Variants in DCHS2 observed in about 807,000 individuals in gnomAD.
The protein encoded by DCHS2 is dachsous cadherin-related 2.
DCHS2 carries 142 observed loss-of-function variants against 182.4 expected under a neutral mutation model. The observed-to-expected ratio is 0.78, with a 90% CI of 0.68 to 0.89. The LOEUF is 0.89. Ranked by LOEUF, DCHS2 falls within the 40% of genes least tolerant of loss-of-function variation. The pLI is 0.00. For missense variants in DCHS2, 4,319 were observed against 4,198.6 expected, an observed-to-expected ratio of 1.03 and a Z score of -0.79; for synonymous variants, 1,740 against 1,663.3, an observed-to-expected ratio of 1.05 and a Z score of -1.12.
At chr4:154,339,870 G>A (rs1728983744) in intron 3 of DCHS2, among the ~76,000 whole-genome samples, 1 of 152,102 alleles carries the variant, frequency 6.6e-6, no homozygotes, top group Admixed American at 6.5e-5. Flanking sequence ...ATACATATAC[G>A]ATGTGTATAC....
At position 154,406,541 on chromosome 4, in the gene DCHS2, C is replaced by T. The variant is rs145679033; in HGVS notation, c.2053-29097G>A. The stretch of plus-strand genomic sequence containing the variant: ...CAGTATTGGCTACTCTGTTGTAGCT[C>T]GAAGTGCAAATGATATAGCTCTTAT... On this transcript the variant is annotated intron_variant, in intron 1 of 19. Transcript: ENST00000357232. 3.9e-4 allele frequency among the ~76,000 whole-genome samples: 59 copies of T among 152,230 alleles called. No homozygotes were observed. The East Asian group carries it at 0.01, about 26-fold the overall frequency.
intron 14 of DCHS2, among the ~76,000 whole-genome samples, chr4:154,265,856 T>G (rs1414496598): frequency 6.6e-6 from 1 of 152,182 alleles, no homozygotes; most frequent in African/African-American, 2.4e-5. Flanking sequence ...CCCCCTTCCC[T>G]GTGGGGGATA....
chr4:154,288,730 C>G (rs1448519668), intron 13 of DCHS2, among the ~76,000 whole-genome samples: 1 of 152,072 alleles, frequency 6.6e-6, no homozygotes, highest in Non-Finnish European at 1.5e-5. Flanking sequence ...AGTATCTTCT[C>G]TGACTGCAAA....
chr4:154,301,536 G>A lies in DCHS2; in HGVS notation c.5606-2828C>T, dbSNP rs188542452. 2.7e-3 allele frequency among the ~76,000 whole-genome samples: 404 copies of A among 151,648 alleles called. 2 individuals carry two copies. The highest frequency in any genetic ancestry group is 7.6e-3 in the African/African-American group (316 of 41,326). ...TTTTTATTTTTTGAGACAGAGTTTC[G>A]TTCTTGTTGCCCAGGCTGGAGTGCA... On this transcript the variant is annotated intron_variant, in intron 12 of 19. Transcript: ENST00000357232.
intron 7 of DCHS2, among the ~76,000 whole-genome samples, chr4:154,325,638 A>G (rs554889220): frequency 6.6e-6 from 1 of 152,286 alleles, no homozygotes; most frequent in South Asian, 2.1e-4. Context: ...GAAGGAGGGG[A>G]CAGCAGGAAC....
intron 1 of DCHS2, among the ~76,000 whole-genome samples, chr4:154,433,503 T>C (rs934775802): frequency 3.3e-5 from 5 of 150,578 alleles, no homozygotes; most frequent in Non-Finnish European, 7.4e-5. Context: ...CAAGTGATTC[T>C]TCTGACTCAG....
chr4:154,323,030 T>C, intron 7 of DCHS2: 2 of 618,672 alleles, frequency 3.2e-6, no homozygotes, highest in Non-Finnish European at 2.7e-6. Context: ...ATAAAGTCCA[T>C]ATATTGCATA....
At chr4:154,357,788 C>T (rs1294418252) in intron 3 of DCHS2, among the ~76,000 whole-genome samples, 11 of 152,176 alleles carry the variant, frequency 7.2e-5, no homozygotes, top group Non-Finnish European at 1.5e-4. Flanking sequence ...CAACTCTATA[C>T]TAGCTCTCCC....
At chr4:154,420,405 G>T (rs1346718293) in intron 1 of DCHS2, among the ~76,000 whole-genome samples, 3 of 152,182 alleles carry the variant, frequency 2.0e-5, no homozygotes, top group African/African-American at 7.2e-5. Context: ...TGTGCTATCT[G>T]CAAGCTGGAA....
intron 1 of DCHS2, among the ~76,000 whole-genome samples, chr4:154,382,875 G>A (rs2110823843): frequency 6.6e-6 from 1 of 152,246 alleles, no homozygotes; most frequent in East Asian, 1.9e-4. Flanking sequence ...ATGAAGAAAA[G>A]TGGACACTTA....
intron 1 of DCHS2, among the ~76,000 whole-genome samples, chr4:154,462,776 T>A (rs1177129407): frequency 6.6e-6 from 1 of 152,070 alleles, no homozygotes; most frequent in Non-Finnish European, 1.5e-5. Flanking sequence ...ATACTATCCA[T>A]AGCTAAAGAC....
intron 1 of DCHS2, among the ~76,000 whole-genome samples, chr4:154,386,614 G>C (rs986838447): frequency 4.6e-5 from 7 of 151,998 alleles, no homozygotes; most frequent in African/African-American, 1.5e-4. Flanking sequence ...TAAGCTTCGG[G>C]ACAACCATTA....
chr4:154,331,536 C>A, intron 5 of DCHS2: 1 of 1,553,190 alleles, frequency 6.4e-7, no homozygotes. Context: ...ACCTTCTTGG[C>A]AAGCCATGTG....
intron 15 of DCHS2, among the ~76,000 whole-genome samples, chr4:154,256,857 C>G (rs1396445016): frequency 6.6e-6 from 1 of 152,078 alleles, no homozygotes; most frequent in Non-Finnish European, 1.5e-5. Context: ...GGTGCAGTAT[C>G]CAGGAGCTCA....
chr4:154,371,540 G>A (rs1730646196), intron 2 of DCHS2, among the ~76,000 whole-genome samples: 1 of 152,162 alleles, frequency 6.6e-6, no homozygotes, highest in African/African-American at 2.4e-5. Context: ...TCGAAGGGCA[G>A]AGAAGGCAGG....
Position 154,305,133 on chromosome 4 carries a change from G to A in DCHS2, c.5359C>T (p.Leu1787Phe). ...AAGACTTCTTGAATTTCTCTGTCAAGTATGGTGGTTGTCACTACCTCTCCA... is the reference window on the plus strand; with the variant it reads ...AAGACTTCTTGAATTTCTCTGTCAAATATGGTGGTTGTCACTACCTCTCCA... ...DTGEVVTTTI[L>F]DREIQEVFTL... The change falls in exon 11 of 20, where the codon CTT becomes TTT. Residue 1787 changes from leucine (L) to phenylalanine (F), a missense_variant. Transcript: ENST00000357232. 1 of 1,612,502 alleles carries A rather than the reference G, an allele frequency of 6.2e-7. No homozygotes were observed. The highest frequency in any genetic ancestry group is 8.5e-7 in the Non-Finnish European group (1 of 1,179,456).
At chr4:154,314,547 G>A (rs1359707258) in intron 10 of DCHS2, among the ~76,000 whole-genome samples, 2 of 152,062 alleles carry the variant, frequency 1.3e-5, no homozygotes, top group African/African-American at 4.8e-5. Flanking sequence ...CATGTAAAAT[G>A]CATTTCATTA....
intron 16 of DCHS2, among the ~76,000 whole-genome samples, chr4:154,248,720 T>C (rs1484978904): frequency 6.6e-6 from 1 of 152,152 alleles, no homozygotes; most frequent in Non-Finnish European, 1.5e-5. Context: ...AATAGCATGG[T>C]ACTGATATAA....
intron 3 of DCHS2, among the ~76,000 whole-genome samples, chr4:154,351,465 G>C (rs1272642499): frequency 6.6e-6 from 1 of 152,172 alleles, no homozygotes; most frequent in Non-Finnish European, 1.5e-5. Flanking sequence ...ATCTATAGAT[G>C]ATATAGGTTT....
Sources: allele counts gnomAD v4.1 joint callset (sites outside exome capture counted in the v4.1 genomes callset), GRCh38; gene constraint gnomAD v4.1.1; transcripts MANE v1.5; gene names NCBI Gene and HGNC (gene_info 2026-07-23, HGNC 2026-07-21).